The following ENOX1 variants were observed in gnomAD, a reference collection of about 807,000 sequenced individuals.
ENOX1 encodes candidate growth-related and time keeping constitutive hydroquinone (NADH) oxidase.
A neutral mutation model predicts 82.5 loss-of-function variants in ENOX1; 42 were observed. The ratio of observed to expected loss-of-function variants is 0.51; its 90% CI spans 0.40 to 0.66. The LOEUF is 0.66. ENOX1 is among the 30% of genes least tolerant of loss of function. The pLI is 0.00. For missense variants in ENOX1, 608 were observed against 811.6 expected, an observed-to-expected ratio of 0.75 and a Z score of 3.05; for synonymous variants, 271 against 282.2, an observed-to-expected ratio of 0.96 and a Z score of 0.40.
chr13:43,757,530 G>A (rs1477577808), intron 1 of ENOX1, among the ~76,000 whole-genome samples: 1 of 152,098 alleles, frequency 6.6e-6, no homozygotes, highest in Admixed American at 6.5e-5. Flanking sequence ...TCAACCAGCC[G>A]GCTCTGAGCC....
intron 1 of ENOX1, among the ~76,000 whole-genome samples, chr13:43,731,512 C>T (rs1326235040): frequency 7.3e-6 from 1 of 136,098 alleles, no homozygotes; most frequent in Admixed American, 8.2e-5. Flanking sequence ...TAAGCTTGGT[C>T]CCAGTCCTGT....
chr13:43,439,482 GA>G (rs2056240720), intron 3 of ENOX1, among the ~76,000 whole-genome samples: 1 of 152,078 alleles, frequency 6.6e-6, no homozygotes, highest in Non-Finnish European at 1.5e-5. Flanking sequence ...TTACAGGCGT[GA>G]GCCACCGTCC....
intron 2 of ENOX1, among the ~76,000 whole-genome samples, chr13:43,569,642 T>C (rs2080082866): frequency 6.9e-6 from 1 of 145,070 alleles, no homozygotes; most frequent in Non-Finnish European, 1.5e-5. Context: ...CCTTAGAATA[T>C]AAAGGGCAAG....
At chr13:43,710,114 T>C (rs1410769597) in intron 1 of ENOX1, among the ~76,000 whole-genome samples, 1 of 151,924 alleles carries the variant, frequency 6.6e-6, no homozygotes, top group Non-Finnish European at 1.5e-5. Flanking sequence ...ACATAGTCAA[T>C]CACATCCAAC....
chr13:43,423,400 G>A (rs1244674367), intron 3 of ENOX1, among the ~76,000 whole-genome samples: 1 of 152,158 alleles, frequency 6.6e-6, no homozygotes, highest in Non-Finnish European at 1.5e-5. Context: ...CCCATTTTAC[G>A]CAAAGCTTTT....
intron 2 of ENOX1, among the ~76,000 whole-genome samples, chr13:43,584,764 G>C (rs1485292844): frequency 2.6e-5 from 4 of 152,116 alleles, no homozygotes; most frequent in African/African-American, 9.7e-5. Context: ...TTGCTTGTAG[G>C]CTAATCTAGT....
intron 2 of ENOX1, among the ~76,000 whole-genome samples, chr13:43,564,412 A>C (rs1354114322): frequency 6.6e-6 from 1 of 152,114 alleles, no homozygotes; most frequent in Non-Finnish European, 1.5e-5. Flanking sequence ...ACATACAAAA[A>C]TTCAAAATAA....
chr13:43,503,803 G>T (rs1192386600), intron 2 of ENOX1, among the ~76,000 whole-genome samples: 1 of 151,696 alleles, frequency 6.6e-6, no homozygotes, highest in Non-Finnish European at 1.5e-5. Context: ...TATTGGATAT[G>T]ATACCAAAGG....
intron 2 of ENOX1, among the ~76,000 whole-genome samples, chr13:43,665,998 A>G (rs2084957670): frequency 2.0e-5 from 3 of 151,080 alleles, no homozygotes; most frequent in Non-Finnish European, 4.4e-5. Flanking sequence ...GTTCCACACA[A>G]ACTTTTTGGT....
chr13:43,694,762 C>A (rs139098620), intron 1 of ENOX1, among the ~76,000 whole-genome samples: 2 of 152,310 alleles, frequency 1.3e-5, no homozygotes, highest in African/African-American at 4.8e-5. Flanking sequence ...TATTCCAAGA[C>A]AAGACTCACT....
At chr13:43,372,148 T>C (rs1413283556) in intron 5 of ENOX1, among the ~76,000 whole-genome samples, 1 of 152,220 alleles carries the variant, frequency 6.6e-6, no homozygotes, top group Non-Finnish European at 1.5e-5. Flanking sequence ...CATAAATTCA[T>C]ATATGATTCT....
chr13:43,592,005 C>A (rs943283196), intron 2 of ENOX1, among the ~76,000 whole-genome samples: 1 of 151,790 alleles, frequency 6.6e-6, no homozygotes. Context: ...GGAGGGCCAG[C>A]CTGTGGACCA....
At chr13:43,650,798 A>T (rs2084129355) in intron 2 of ENOX1, among the ~76,000 whole-genome samples, 1 of 152,186 alleles carries the variant, frequency 6.6e-6, no homozygotes, top group Non-Finnish European at 1.5e-5. Context: ...AGATCACACC[A>T]CTGTACTCCA....
At chr13:43,370,152 A>T (rs2051128510) in intron 5 of ENOX1, among the ~76,000 whole-genome samples, 1 of 152,124 alleles carries the variant, frequency 6.6e-6, no homozygotes, top group South Asian at 2.1e-4. Flanking sequence ...TGGATCACGA[A>T]GTCCAGAGAT....
chr13:43,471,637 C>A (rs1441038957), intron 3 of ENOX1, among the ~76,000 whole-genome samples: 2 of 151,536 alleles, frequency 1.3e-5, no homozygotes, highest in Non-Finnish European at 2.9e-5. Context: ...GGTGAAAGCC[C>A]ATCTCTATTA....
At chr13:43,695,091 C>T (rs749296450) in intron 1 of ENOX1, among the ~76,000 whole-genome samples, 2 of 152,104 alleles carry the variant, frequency 1.3e-5, no homozygotes, top group Non-Finnish European at 2.9e-5. Context: ...AGACTTAGTC[C>T]TGAGTGAGTG....
intron 2 of ENOX1, among the ~76,000 whole-genome samples, chr13:43,590,017 G>C (rs1342833263): frequency 6.6e-6 from 1 of 152,034 alleles, no homozygotes; most frequent in Non-Finnish European, 1.5e-5. Flanking sequence ...TAAGCCAACA[G>C]CAAGCTACAA....
chr13:43,565,487 C>G (rs763394496), intron 2 of ENOX1, among the ~76,000 whole-genome samples: 11 of 151,942 alleles, frequency 7.2e-5, no homozygotes, highest in Non-Finnish European at 1.3e-4. Flanking sequence ...TCTCATGGAT[C>G]CAGGAGGAAG....
At chr13:43,726,129 T>C (rs1389781739) in intron 1 of ENOX1, among the ~76,000 whole-genome samples, 1 of 150,752 alleles carries the variant, frequency 6.6e-6, no homozygotes, top group African/African-American at 2.4e-5. Context: ...ACCATAAAAT[T>C]AAAACATAAA....
Sources: allele counts gnomAD v4.1 joint callset (sites outside exome capture counted in the v4.1 genomes callset), GRCh38; gene constraint gnomAD v4.1.1; transcripts MANE v1.5; gene names NCBI Gene and HGNC (gene_info 2026-07-23, HGNC 2026-07-21).